PPP2R3A: variants seen among roughly 807,000 people sequenced by gnomAD.
The protein encoded by PPP2R3A is protein phosphatase 2 regulatory subunit B''alpha, also known as serine/threonine-protein phosphatase 2A regulatory subunit B'' subunit alpha.
A neutral mutation model predicts 106.9 loss-of-function variants in PPP2R3A; 80 were observed. The ratio of observed to expected loss-of-function variants is 0.75; its 90% confidence interval spans 0.62 to 0.90. PPP2R3A has a LOEUF of 0.90. Ranked by LOEUF, PPP2R3A falls within the 40% of genes least tolerant of loss-of-function variation. The pLI is 0.00. For missense variants in PPP2R3A, 1,386 were observed against 1,350.4 expected, an observed-to-expected ratio of 1.03 and a Z score of -0.41; for synonymous variants, 483 against 468.3, an observed-to-expected ratio of 1.03 and a Z score of -0.41.
chr3:135,985,141 A>G (rs565431668), intron 1 of PPP2R3A, among the ~76,000 whole-genome samples: 4 of 152,274 alleles, frequency 2.6e-5, no homozygotes, highest in South Asian at 2.1e-4. Context: ...ACCCAGTCTC[A>G]GGTATTTCTT....
At chr3:136,006,671 G>C (rs936503202) in intron 2 of PPP2R3A, among the ~76,000 whole-genome samples, 2 of 152,146 alleles carry the variant, frequency 1.3e-5, no homozygotes, top group Non-Finnish European at 2.9e-5. Context: ...TGATACAAAA[G>C]CACTGTTATC....
chr3:136,117,784 T>C (rs941543568), intron 13 of PPP2R3A, among the ~76,000 whole-genome samples: 3 of 152,176 alleles, frequency 2.0e-5, no homozygotes, highest in African/African-American at 7.2e-5. Context: ...AACAGCCGAA[T>C]TCTACCAGAG....
At chr3:136,049,172 G>C (rs1178313939) in intron 4 of PPP2R3A, 87 bp from the exon 5 acceptor site, 1 of 981,394 alleles carries the variant, frequency 1.0e-6, no homozygotes, top group Non-Finnish European at 1.6e-6. Context: ...GTGGCCTTCA[G>C]ATCAAACTGA....
intron 1 of PPP2R3A, among the ~76,000 whole-genome samples, chr3:135,983,935 ATTAACT>A (rs1025209308): frequency 2.0e-5 from 3 of 152,216 alleles, no homozygotes; most frequent in African/African-American, 7.2e-5. Flanking sequence ...ATTTTACTCC[ATTAACT>A]TTATCTGTTA....
rs1937428332 is a variant in PPP2R3A at position 136,103,343 on chromosome 3, C to T, written c.3189C>T (p.Asp1063=). The change falls in exon 12 of 14, where the codon GAC becomes GAT. Residue 1063 remains aspartate (D), a synonymous_variant. Coordinates refer to ENST00000264977, the MANE Select transcript of PPP2R3A (RefSeq NM_002718.5). ...TCTTTAATCTGGAGAAATACTTAGA[C>T]CATGAACAGAGAGATCCCTTTGCGG... is the stretch of plus-strand genomic sequence containing the variant. ...DTFFNLEKYL[D]HEQRDPFAVQ... is the part of the protein sequence containing the mutation. The T allele has an allele frequency of 1.2e-6, 2 of 1,607,308 alleles. No homozygotes were observed. The highest frequency in any genetic ancestry group is 1.7e-5 in the Admixed American group (1 of 59,818).
intron 2 of PPP2R3A, among the ~76,000 whole-genome samples, chr3:136,024,901 C>A (rs576559253): frequency 4.6e-5 from 7 of 152,092 alleles, no homozygotes; most frequent in African/African-American, 1.7e-4. Flanking sequence ...TATTGACTTA[C>A]GGGACTGTGT....
At chr3:136,052,311 G>A (rs528733845) in intron 5 of PPP2R3A, among the ~76,000 whole-genome samples, 1 of 152,218 alleles carries the variant, frequency 6.6e-6, no homozygotes, top group South Asian at 2.1e-4. Context: ...GGAGGACAGA[G>A]GAAAGAAAAG....
chr3:136,049,620 CAGAGG>C (rs749813933), intron 5 of PPP2R3A, among the ~76,000 whole-genome samples: 2 of 152,182 alleles, frequency 1.3e-5, no homozygotes, highest in South Asian at 4.1e-4. Flanking sequence ...CCCACTGAAG[CAGAGG>C]AGAGGGGCCA....
In PPP2R3A at chr3:136,055,753, G is replaced by A. The variant is rs966161636; in HGVS notation, c.2469+6392G>A. Reference sequence around the variant, plus strand: ...ACTTGGGAAATCATCTTTATGGAATGTGGTGATGAGAATTTTTTAAAAACA... The same window carrying A: ...ACTTGGGAAATCATCTTTATGGAATATGGTGATGAGAATTTTTTAAAAACA... On this transcript the variant is annotated intron_variant, in intron 5 of 13. Coordinates refer to ENST00000264977, the MANE Select transcript of PPP2R3A (RefSeq NM_002718.5). 6.7e-4 allele frequency: 438 copies of A among 652,870 alleles called. 2 individuals are homozygous for A. The highest frequency in any genetic ancestry group is 1.8e-4 in the Non-Finnish European group (65 of 363,284). The allele number at this position is 652,870 out of a possible 1,614,324, so 40.4% of individuals were successfully genotyped here.
intron 4 of PPP2R3A, among the ~76,000 whole-genome samples, chr3:136,046,207 G>A (rs924544902): frequency 3.3e-5 from 5 of 151,576 alleles, no homozygotes; most frequent in East Asian, 1.9e-4. Context: ...ATCCCAGCAC[G>A]TTGGGAGGCC....
At chr3:136,000,516 C>CA (rs1447961379) in intron 1 of PPP2R3A, among the ~76,000 whole-genome samples, 1 of 151,922 alleles carries the variant, frequency 6.6e-6, no homozygotes, top group African/African-American at 2.4e-5. Context: ...TTTCAGTAAG[C>CA]AAAAAGAAGA....
At chr3:136,074,732 G>A (rs912402195) in intron 6 of PPP2R3A, among the ~76,000 whole-genome samples, 8 of 152,190 alleles carry the variant, frequency 5.3e-5, no homozygotes, top group African/African-American at 1.9e-4. Flanking sequence ...CACCACTGTA[G>A]GCTGAAATGC....
chr3:136,098,236 A>T (rs1937263619), intron 10 of PPP2R3A, among the ~76,000 whole-genome samples: 1 of 152,194 alleles, frequency 6.6e-6, no homozygotes, highest in South Asian at 2.1e-4. Flanking sequence ...GTCTCACTTG[A>T]GCCCAAGAGG....
chr3:136,009,215 C>G (rs1378295607), intron 2 of PPP2R3A, among the ~76,000 whole-genome samples: 1 of 152,062 alleles, frequency 6.6e-6, no homozygotes, highest in Non-Finnish European at 1.5e-5. Flanking sequence ...TTCTCATTCC[C>G]ACCCCCTATC....
chr3:136,012,619 A>G (rs1934122570), intron 2 of PPP2R3A, among the ~76,000 whole-genome samples: 1 of 152,110 alleles, frequency 6.6e-6, no homozygotes, highest in Admixed American at 6.5e-5. Flanking sequence ...AAAAAAAAAT[A>G]GTAACACAGA....
intron 2 of PPP2R3A, chr3:136,023,294 A>T (rs1934529912): frequency 9.1e-7 from 1 of 1,102,530 alleles, no homozygotes; most frequent in Non-Finnish European, 1.3e-6. Flanking sequence ...CTAACTCACA[A>T]GTAATTTTAC....
At chr3:136,049,411 A>G in intron 5 of PPP2R3A, 50 bp downstream of exon 5, 1 of 1,390,796 alleles carries the variant, frequency 7.2e-7, no homozygotes, top group Non-Finnish European at 1.0e-6. Flanking sequence ...GAGTTTCAGC[A>G]GTTTTGTTTA....
At chr3:136,121,656 C>T (rs1290242829) in intron 13 of PPP2R3A, among the ~76,000 whole-genome samples, 1 of 151,012 alleles carries the variant, frequency 6.6e-6, no homozygotes, top group East Asian at 1.9e-4. Flanking sequence ...GCTTTAATAA[C>T]TAACTGAATT....
intron 5 of PPP2R3A, among the ~76,000 whole-genome samples, chr3:136,068,078 C>T (rs1391146869): frequency 6.6e-6 from 1 of 152,066 alleles, no homozygotes; most frequent in South Asian, 2.1e-4. Context: ...ACAAAAACGG[C>T]ATGGTGGCAC....
Sources: allele counts gnomAD v4.1 joint callset (sites outside exome capture counted in the v4.1 genomes callset), GRCh38; gene constraint gnomAD v4.1.1; transcripts MANE v1.5; gene names NCBI Gene and HGNC (gene_info 2026-07-23, HGNC 2026-07-21).